The following ADGRG4 variants were observed in gnomAD, a reference collection of about 807,000 sequenced individuals.
ADGRG4 encodes the protein adhesion G protein-coupled receptor G4.
Under a neutral mutation model 126.2 loss-of-function variants are expected in ADGRG4, and 122 were observed. The ratio of observed to expected loss-of-function variants is 0.97; its 90% CI spans 0.83 to 1.12. The LOEUF (loss-of-function observed/expected upper bound fraction) is 1.12. Ranked by LOEUF, ADGRG4 falls within the 50% of genes most tolerant of loss-of-function variation. The pLI is 0.00. For missense variants in ADGRG4, 2,481 were observed against 2,251.8 expected (o/e 1.10, Z -2.06); for synonymous variants, 943 against 838.7 (o/e 1.12, Z -2.15).
At chrX:136,319,954 A>G (rs2074830382) in intron 4 of ADGRG4, among the ~76,000 whole-genome samples, 1 of 111,913 alleles carries the variant, frequency 8.9e-6, no homozygotes, top group Admixed American at 9.5e-5. Flanking sequence ...CCTAAAGATA[A>G]TCATTCTTAA....
At chrX:136,408,998 G>A (rs1664561076) in intron 23 of ADGRG4, among the ~76,000 whole-genome samples, 1 of 109,468 alleles carries the variant, frequency 9.1e-6, no homozygotes. Context: ...AAGATAGCAT[G>A]TGCCATCTTG....
chrX:136,313,495 G>A (rs1035825199), intron 4 of ADGRG4, among the ~76,000 whole-genome samples: 1 of 112,253 alleles, frequency 8.9e-6, no homozygotes, highest in African/African-American at 3.2e-5. Context: ...AGACTCTGAA[G>A]CATAAGTTCT....
At chrX:136,358,644 A>C (rs2075109034) in intron 10 of ADGRG4, among the ~76,000 whole-genome samples, 1 of 111,694 alleles carries the variant, frequency 9.0e-6, no homozygotes, top group Non-Finnish European at 1.9e-5. Context: ...AGTGGACATA[A>C]ATACTGAGTG....
chrX:136,405,860 C>A lies in ADGRG4; in HGVS notation c.8823C>A (p.Gly2941=), dbSNP rs139741225. The A allele has an allele frequency of 1.3e-3, 1,508 of 1,205,389 alleles. 13 individuals are homozygous for A. The highest frequency in any genetic ancestry group is 3.5e-3 in the South Asian group (195 of 55,437). ...AGATGATCCTGCATGACCTCAAAGG[C>A]ACAATGAGCCTGACATTCTTACTTG... The part of the protein sequence containing the change: ...RRKMILHDLK[G]TMSLTFLLGL... The change falls in exon 23 of 26, where the codon GGC becomes GGA. Residue 2941 remains glycine (G), a synonymous_variant. Transcript: ENST00000394143.
chrX:136,367,389 C>T (rs957512553), intron 13 of ADGRG4, among the ~76,000 whole-genome samples: 2 of 112,219 alleles, frequency 1.8e-5, no homozygotes, highest in Non-Finnish European at 3.8e-5. Context: ...AGTGAGTGGG[C>T]GGAAAGTTAG....
intron 15 of ADGRG4, among the ~76,000 whole-genome samples, chrX:136,383,449 A>G (rs1361844750): frequency 8.9e-6 from 1 of 111,983 alleles, no homozygotes; most frequent in Non-Finnish European, 1.9e-5. Context: ...GTTTGAATAT[A>G]AAAAACCAAG....
Position 136,402,060 on chromosome X carries a change from G to A in ADGRG4, c.8576-1184G>A, listed in dbSNP as rs184600491. 1.1e-4 allele frequency among the ~76,000 whole-genome samples: 12 copies of A among 112,424 alleles called. No homozygotes were observed. In the South Asian group the frequency reaches 3.0e-3, roughly 28 times the overall value. On this transcript the variant is annotated intron_variant, in intron 21 of 25. Transcript: ENST00000394143. ...CAGCTGAGCTGTCCCACTACAGGGA[G>A]TTTTGGAGCATTTCAATATTAGACA...
At position 136,402,082 on chromosome X, in the gene ADGRG4, G is replaced by A. The variant is rs760183739; in HGVS notation, c.8576-1162G>A. On this transcript the variant is annotated intron_variant, in intron 21 of 25. Transcript: ENST00000394143. The stretch of plus-strand genomic sequence containing the variant: ...GGAGTTTTGGAGCATTTCAATATTA[G>A]ACAAAAGCAATCAACTGTAAGGAAA... Among the ~76,000 whole-genome samples the A allele has an allele frequency of 3.4e-4, 38 of 112,162 alleles. No individual in the cohort carries two copies. The East Asian group carries it at 0.01, about 30-fold the overall frequency.
chrX:136,347,872 A>G lies in ADGRG4; in HGVS notation c.4166A>G (p.Tyr1389Cys), dbSNP rs753993656. 8.3e-7 allele frequency: 1 copy of G among 1,208,453 alleles called. No individual in the cohort carries two copies. Among genetic ancestry groups the G allele is most frequent in the African/African-American group, 1.8e-5 (1 of 57,066 alleles). ...GAAAGCACGAGTGCCCTTCCAGCAT[A>G]TACTCCCAGGACTGTGGAAATGATA... ...EKESTSALPA[Y>C]TPRTVEMIVN... The change falls in exon 6 of 26, where the codon TAT (tyrosine) becomes TGT (cysteine). Residue 1389 changes from tyrosine (Y) to cysteine (C), a missense_variant. Physicochemically the swap from Tyr to Cys is radical, Grantham distance 194. Transcript: ENST00000394143.
At position 136,347,552 on chromosome X, in the gene ADGRG4, T is replaced by A. The variant is rs1458364951; in HGVS notation, c.3846T>A (p.Asn1282Lys). The A allele has an allele frequency of 8.3e-7, 1 of 1,208,286 alleles. No homozygotes were observed. Among genetic ancestry groups the A allele is most frequent in the South Asian group, 1.8e-5 (1 of 56,635 alleles). Residue 1282 changes from asparagine to lysine, a missense_variant, in exon 6 of 26, where the codon AAT becomes AAA. By Grantham distance (94) the Asn-to-Lys change is moderately conservative. Transcript: ENST00000394143. Reference protein sequence around the residue: ...MEVTEMSPSKNSFISYSRGTP... With the variant: ...MEVTEMSPSKKSFISYSRGTP... ...TGACAGAAATGTCCCCATCAAAGAA[T>A]TCTTTTATTTCATACTCCCGGGGTA...
At chrX:136,301,749 G>A (rs1458292998) in intron 1 of ADGRG4, among the ~76,000 whole-genome samples, 1 of 111,795 alleles carries the variant, frequency 8.9e-6, no homozygotes, top group Non-Finnish European at 1.9e-5. Context: ...ATCTTGAATT[G>A]ATTTTTGTAT....
intron 23 of ADGRG4, among the ~76,000 whole-genome samples, chrX:136,407,183 C>T (rs1357632418): frequency 9.0e-6 from 1 of 110,526 alleles, no homozygotes; most frequent in Non-Finnish European, 1.9e-5. Flanking sequence ...TTCAATAAAC[C>T]CTTATTTTCC....
chrX:136,339,548 G>A (rs939574768), intron 5 of ADGRG4, among the ~76,000 whole-genome samples: 4 of 112,127 alleles, frequency 3.6e-5, no homozygotes, highest in Non-Finnish European at 7.5e-5. Flanking sequence ...TCCAGAAGGG[G>A]AATGAGCCTA....
rs199541623 is a variant in ADGRG4, at chrX:136,344,483, A to G, written c.777A>G (p.Lys259=). The change falls in exon 6 of 26, where the codon AAA becomes AAG. Residue 259 remains lysine (K), a synonymous_variant. Transcript: ENST00000394143. ...CTCCATCCCAAATTACTGGAGTAAA[A>G]CCACAAAATACTGCACATTCCTCTA... The part of the protein sequence containing the change: ...MTTPSQITGV[K]PQNTAHSSTL... The G allele has an allele frequency of 8.3e-7, 1 of 1,202,433 alleles. No homozygotes were observed. The highest frequency in any genetic ancestry group is 1.1e-6 in the Non-Finnish European group (1 of 887,308).
rs2148498522 is a variant in ADGRG4 at position 136,403,244 on chromosome X, G to A, written c.8576G>A (p.Gly2859Glu). 8.3e-7 allele frequency: 1 copy of A among 1,209,147 alleles called. No homozygotes were observed. The highest frequency in any genetic ancestry group is 1.1e-6 in the Non-Finnish European group (1 of 893,222). ...CCTTTGACTTGCTTTCCCACTGCAG[G>A]AATCCCGGCTATCATGGTGGCAATC... ...YILKFCLVGWGIPAIMVAITV... is the reference protein window; with the variant it reads ...YILKFCLVGWEIPAIMVAITV... Residue 2859 changes from glycine to glutamate, a missense_variant and splice_region_variant, in exon 22 of 26, where the codon GGA becomes GAA. Coordinates refer to ENST00000394143, the MANE Select transcript of ADGRG4 (RefSeq NM_153834.4).
chrX:136,405,863 A>G lies in ADGRG4; in HGVS notation c.8826A>G (p.Thr2942=). 8.3e-7 allele frequency: 1 copy of G among 1,207,162 alleles called. No homozygotes were observed. The highest frequency in any genetic ancestry group is 1.1e-6 in the Non-Finnish European group (1 of 893,200). Residue 2942 remains threonine, a synonymous_variant, in exon 23 of 26, where the codon ACA becomes ACG. Transcript: ENST00000394143. ...RKMILHDLKG[T]MSLTFLLGLT... ...TGATCCTGCATGACCTCAAAGGCAC[A>G]ATGAGCCTGACATTCTTACTTGGCC...
intron 13 of ADGRG4, among the ~76,000 whole-genome samples, chrX:136,365,292 C>A (rs2075152188): frequency 9.0e-6 from 1 of 111,336 alleles, no homozygotes; most frequent in Admixed American, 9.6e-5. Flanking sequence ...CATTCCTCCC[C>A]CACCCCAGCT....
intron 15 of ADGRG4, among the ~76,000 whole-genome samples, chrX:136,383,701 C>A (rs749362127): frequency 1.8e-5 from 2 of 110,901 alleles, no homozygotes; most frequent in East Asian, 5.6e-4. Context: ...TTCTGTCTAT[C>A]CCTCTGGCTT....
At chrX:136,399,797 TA>T (rs376015717) in intron 20 of ADGRG4, 50 bp from the exon 21 acceptor site, 46,776 of 754,088 alleles carry the variant, frequency 0.062, 100 homozygotes, top group African/African-American at 0.11. Context: ...GATGTTTAAT[TA>T]AAAAAAAAAA....
Sources: allele counts gnomAD v4.1 joint callset (sites outside exome capture counted in the v4.1 genomes callset), GRCh38; gene constraint gnomAD v4.1.1; transcripts MANE v1.5; gene names NCBI Gene and HGNC (gene_info 2026-07-23, HGNC 2026-07-21).